Variants in MYT1L observed in about 807,000 individuals in gnomAD.
MYT1L encodes the protein myelin transcription factor 1-like protein.
In MYT1L, 12 loss-of-function variants were observed where a neutral mutation model predicts 126.7. The observed-to-expected ratio is 0.09, with a 90% CI of 0.06 to 0.15. The LOEUF (loss-of-function observed/expected upper bound fraction) is 0.15, where lower values mean the gene tolerates loss of function less well. MYT1L is among the 10% of genes least tolerant of loss of function. The pLI is 1.00. For missense variants in MYT1L, 979 were observed against 1,585.2 expected (o/e 0.62, Z 6.49); for synonymous variants, 541 against 604.2 (o/e 0.90, Z 1.53).
chr2:1,819,211 C>T (rs1339933006), intron 21 of MYT1L, among the ~76,000 whole-genome samples: 3 of 152,216 alleles, frequency 2.0e-5, no homozygotes, highest in Admixed American at 6.5e-5. Flanking sequence ...GAGAAGAAGG[C>T]CTGAGAAGAG....
chr2:2,232,847 C>A (rs909625213), intron 2 of MYT1L, among the ~76,000 whole-genome samples: 13 of 152,326 alleles, frequency 8.5e-5, no homozygotes, highest in Admixed American at 7.8e-4. Flanking sequence ...GACCTGCCCT[C>A]AGGCCCTGCG....
In MYT1L at chr2:2,024,925, C is replaced by T. The variant is rs531816899; in HGVS notation, c.-157-27578G>A. 2.2e-4 allele frequency among the ~76,000 whole-genome samples: 34 copies of T among 152,388 alleles called. 1 individual carries two copies. Among genetic ancestry groups the T allele is most frequent in the Admixed American group, 1.8e-3 (27 of 15,314 alleles). The stretch of plus-strand genomic sequence containing the variant: ...TCTGACTTAGCTCCCACCGCGTGGA[C>T]GCGTTCCGCCTGTCCCACCACAGCT... On this transcript the variant is annotated intron_variant, in intron 4 of 24. Coordinates refer to ENST00000647738, the MANE Select transcript of MYT1L (RefSeq NM_001303052.2).
chr2:2,173,739 C>T (rs1354022852), intron 2 of MYT1L, among the ~76,000 whole-genome samples: 1 of 152,158 alleles, frequency 6.6e-6, no homozygotes, highest in Non-Finnish European at 1.5e-5. Context: ...CCTCCTAATT[C>T]CAAGAGGCTT....
intron 3 of MYT1L, among the ~76,000 whole-genome samples, chr2:2,148,412 G>T (rs1368807091): frequency 6.6e-6 from 1 of 152,174 alleles, no homozygotes; most frequent in Admixed American, 6.5e-5. Context: ...TGATCTGATG[G>T]GGGGCGGAGC....
intron 3 of MYT1L, among the ~76,000 whole-genome samples, chr2:2,122,076 T>C (rs993091584): frequency 6.6e-6 from 1 of 152,192 alleles, no homozygotes; most frequent in African/African-American, 2.4e-5. Context: ...CTGGCGATGA[T>C]GTGCACGTGG....
chr2:1,813,513 G>A (rs747136750), intron 21 of MYT1L, among the ~76,000 whole-genome samples: 6 of 152,178 alleles, frequency 3.9e-5, no homozygotes, highest in Admixed American at 1.3e-4. Flanking sequence ...GTGAGGAACC[G>A]GGCCGTACAG....
At chr2:2,140,596 G>T (rs1302256267) in intron 3 of MYT1L, among the ~76,000 whole-genome samples, 2 of 151,776 alleles carry the variant, frequency 1.3e-5, no homozygotes, top group African/African-American at 2.4e-5. Flanking sequence ...CACCACGCCT[G>T]GCTAATTTTT....
intron 2 of MYT1L, among the ~76,000 whole-genome samples, chr2:2,279,684 T>C (rs1017822275): frequency 1.3e-5 from 2 of 152,206 alleles, no homozygotes; most frequent in African/African-American, 4.8e-5. Flanking sequence ...AGTTCAGCTT[T>C]TTACCTTCAA....
chr2:1,882,588 C>T (rs906345441), intron 18 of MYT1L, among the ~76,000 whole-genome samples: 3 of 152,162 alleles, frequency 2.0e-5, no homozygotes, highest in East Asian at 1.9e-4. Context: ...AGACCCCAGC[C>T]GAGGGCAGTT....
In MYT1L at chr2:1,887,266, A is replaced by G. The variant is rs1038794664; in HGVS notation, c.2642+222T>C. On this transcript the variant is annotated intron_variant, in intron 17 of 24. Coordinates refer to ENST00000647738, the MANE Select transcript of MYT1L (RefSeq NM_001303052.2). The surrounding 1 kb of genome is among the most constrained non-coding windows in gnomAD (Gnocchi z 4.8). ...ACCCTGAAGAAAAGCGGCAAAATGCACGGGTTAAATGAAAATGACGCCCCC... is the reference window on the plus strand; with the variant it reads ...ACCCTGAAGAAAAGCGGCAAAATGCGCGGGTTAAATGAAAATGACGCCCCC... 1.6e-5 allele frequency: 8 copies of G among 510,874 alleles called. No homozygotes were observed. The highest frequency in any genetic ancestry group is 2.7e-5 in the Non-Finnish European group (8 of 295,878). 31.6% of individuals were successfully genotyped at this position (510,874 alleles called of 1,614,324 possible).
intron 21 of MYT1L, chr2:1,825,245 G>GC (rs915516529): frequency 5.9e-5 from 9 of 152,200 alleles, no homozygotes; most frequent in Non-Finnish European, 1.0e-4. Context: ...AGGGAAAGGG[G>GC]CCCCCCAGGA....
At chr2:2,031,805 CAG>C (rs1227096063) in intron 4 of MYT1L, among the ~76,000 whole-genome samples, 2 of 139,648 alleles carry the variant, frequency 1.4e-5, no homozygotes, top group East Asian at 4.5e-4. Flanking sequence ...TCCTGTGGCC[CAG>C]AGCAGATTCT....
At chr2:1,840,253 T>A (rs1304585104) in intron 20 of MYT1L, among the ~76,000 whole-genome samples, 1 of 152,144 alleles carries the variant, frequency 6.6e-6, no homozygotes, top group Non-Finnish European at 1.5e-5. Context: ...ATGGCTGGCG[T>A]GGGATGGGGA....
At chr2:1,938,070 C>T (rs1045182074) in intron 9 of MYT1L, among the ~76,000 whole-genome samples, 1 of 152,190 alleles carries the variant, frequency 6.6e-6, no homozygotes. Context: ...AAAGCAACAT[C>T]TATGTGCTAA....
At chr2:1,942,476 C>T (rs2056765668) in intron 9 of MYT1L, among the ~76,000 whole-genome samples, 1 of 152,144 alleles carries the variant, frequency 6.6e-6, no homozygotes, top group Admixed American at 6.5e-5. Flanking sequence ...AATTATGTGA[C>T]CATCACTCAA....
intron 3 of MYT1L, among the ~76,000 whole-genome samples, chr2:2,065,046 A>G (rs1170168003): frequency 6.6e-6 from 1 of 152,090 alleles, no homozygotes; most frequent in East Asian, 1.9e-4. Context: ...AAAAATAAAA[A>G]TGGTAGCCAG....
At chr2:2,140,426 C>CT (rs1287890129) in intron 3 of MYT1L, among the ~76,000 whole-genome samples, 1 of 133,420 alleles carries the variant, frequency 7.5e-6, no homozygotes, top group Non-Finnish European at 1.6e-5. Flanking sequence ...TTTTTTCTTT[C>CT]TTTTTCTTTT....
At chr2:2,289,572 T>C (rs2095569325) in intron 1 of MYT1L, among the ~76,000 whole-genome samples, 1 of 152,192 alleles carries the variant, frequency 6.6e-6, no homozygotes, top group South Asian at 2.1e-4. Context: ...AATCGCTGTG[T>C]TCACTTGAAC....
intron 21 of MYT1L, among the ~76,000 whole-genome samples, chr2:1,815,257 C>T (rs115009285): frequency 0.016 from 2,498 of 152,256 alleles, 34 homozygotes; most frequent in Middle Eastern, 0.027. Flanking sequence ...GGCTTGGTGA[C>T]GCAGCTCCCA....
Sources: gnomAD v4.1 joint callset for allele counts (sites outside exome capture counted in the v4.1 genomes callset) on GRCh38, gnomAD v4.1.1 for gene constraint, Gnocchi (gnomAD v3.1) non-coding constraint, MANE v1.5 for transcripts, NCBI Gene and HGNC (gene_info 2026-07-23, HGNC 2026-07-21) for gene names.